The following NCAM2 variants were observed in gnomAD, a reference collection of about 807,000 sequenced individuals.
NCAM2 encodes N-CAM-2.
In NCAM2, 30 loss-of-function variants were observed where a neutral mutation model predicts 98.1. The observed-to-expected ratio is 0.31, with a 90% CI of 0.23 to 0.41. The LOEUF is 0.41. Among genes scored for constraint, NCAM2 ranks in the 10% least tolerant of loss-of-function variants. NCAM2 has a pLI of 1.00. For synonymous variants in NCAM2, 368 were observed against 342.4 expected, an observed-to-expected ratio of 1.07 and a Z score of -0.83; for missense variants, 867 against 1,005.8, an observed-to-expected ratio of 0.86 and a Z score of 1.87.
intron 16 of NCAM2, among the ~76,000 whole-genome samples, chr21:21,519,221 A>G (rs1359429605): frequency 1.3e-5 from 2 of 152,142 alleles, no homozygotes; most frequent in Non-Finnish European, 2.9e-5. Flanking sequence ...TTGAAATAGA[A>G]GACTACTAGA....
chr21:21,316,879 G>A (rs1273536145), intron 5 of NCAM2, among the ~76,000 whole-genome samples: 2 of 152,162 alleles, frequency 1.3e-5, no homozygotes, highest in East Asian at 3.9e-4. Flanking sequence ...AACAAATATA[G>A]CCCCTGTATA....
At chr21:21,506,076 A>G (rs912966116) in intron 15 of NCAM2, among the ~76,000 whole-genome samples, 1 of 152,108 alleles carries the variant, frequency 6.6e-6, no homozygotes, top group Non-Finnish European at 1.5e-5. Flanking sequence ...GGGAATGTGT[A>G]TAATAAATCA....
intron 1 of NCAM2, among the ~76,000 whole-genome samples, chr21:21,023,493 C>T (rs1213268730): frequency 1.3e-5 from 2 of 150,862 alleles, no homozygotes; most frequent in African/African-American, 4.9e-5. Context: ...CACTGCACTC[C>T]AGTCTGGGTG....
intron 1 of NCAM2, among the ~76,000 whole-genome samples, chr21:21,265,366 A>G (rs1418925684): frequency 2.4e-5 from 1 of 41,926 alleles, no homozygotes; most frequent in Non-Finnish European, 4.2e-5. Flanking sequence ...ATTATATTAT[A>G]TATACACATA....
intron 1 of NCAM2, among the ~76,000 whole-genome samples, chr21:21,237,470 A>T (rs2070877902): frequency 6.6e-6 from 1 of 152,202 alleles, no homozygotes; most frequent in Admixed American, 6.5e-5. Flanking sequence ...ACTCAGAGAT[A>T]AAATTTTTAT....
intron 8 of NCAM2, among the ~76,000 whole-genome samples, chr21:21,356,763 G>T (rs2075491666): frequency 6.6e-6 from 1 of 152,118 alleles, no homozygotes; most frequent in Non-Finnish European, 1.5e-5. Flanking sequence ...GGCCAAGGAG[G>T]CTGGATCATC....
chr21:21,071,909 A>G (rs1288285126), intron 1 of NCAM2, among the ~76,000 whole-genome samples: 3 of 148,786 alleles, frequency 2.0e-5, no homozygotes, highest in Admixed American at 6.7e-5. Context: ...CTATCTATCT[A>G]TCTATCTATC....
chr21:21,429,085 C>T (rs924703183), intron 11 of NCAM2, among the ~76,000 whole-genome samples: 1 of 151,990 alleles, frequency 6.6e-6, no homozygotes, highest in Admixed American at 6.6e-5. Context: ...AAGTCATAAG[C>T]ATGCTTTTGC....
At chr21:21,230,537 G>C (rs530497228) in intron 1 of NCAM2, among the ~76,000 whole-genome samples, 1 of 151,378 alleles carries the variant, frequency 6.6e-6, no homozygotes, top group East Asian at 1.9e-4. Flanking sequence ...ATATTATTCT[G>C]TGATGTTTCT....
chr21:20,998,719 A>C (rs2063965173), intron 1 of NCAM2, 101 bp downstream of exon 1: 1 of 1,115,684 alleles, frequency 9.0e-7, no homozygotes, highest in Non-Finnish European at 1.3e-6. Flanking sequence ...GAAAGAACTA[A>C]AGTTACAGTT....
At chr21:21,149,131 A>G (rs2146695014) in intron 1 of NCAM2, among the ~76,000 whole-genome samples, 1 of 152,302 alleles carries the variant, frequency 6.6e-6, no homozygotes. Flanking sequence ...TTTGTATAAA[A>G]TCTTGAAATA....
At chr21:21,444,346 A>G (rs1447960097) in intron 12 of NCAM2, among the ~76,000 whole-genome samples, 1 of 152,194 alleles carries the variant, frequency 6.6e-6, no homozygotes, top group Non-Finnish European at 1.5e-5. Context: ...TGCTGGCTTA[A>G]TAAAGTGAGT....
intron 16 of NCAM2, among the ~76,000 whole-genome samples, chr21:21,515,593 T>C (rs558072145): frequency 6.6e-6 from 1 of 152,302 alleles, no homozygotes; most frequent in East Asian, 1.9e-4. Context: ...GAAAAAATGC[T>C]GACTTTTCCC....
At chr21:21,297,734 CA>C (rs34515330) in intron 5 of NCAM2, among the ~76,000 whole-genome samples, 1,945 of 149,962 alleles carry the variant, frequency 0.013, 44 homozygotes, top group African/African-American at 0.045. Context: ...CTGTACTACT[CA>C]AAAAAAAAGG....
chr21:21,088,894 C>T (rs1304904433), intron 1 of NCAM2, among the ~76,000 whole-genome samples: 3 of 151,662 alleles, frequency 2.0e-5, no homozygotes, highest in African/African-American at 7.3e-5. Flanking sequence ...ATGGCTTGAA[C>T]TCGGGAGGCG....
At chr21:21,252,910 CTT>C (rs2071526292) in intron 1 of NCAM2, among the ~76,000 whole-genome samples, 1 of 152,124 alleles carries the variant, frequency 6.6e-6, no homozygotes, top group African/African-American at 2.4e-5. Context: ...ATGATCATCT[CTT>C]TTAGTGAACA....
intron 15 of NCAM2, among the ~76,000 whole-genome samples, chr21:21,496,689 G>A (rs1987261274): frequency 6.6e-6 from 1 of 151,934 alleles, no homozygotes; most frequent in African/African-American, 2.4e-5. Context: ...CCCTTGCCAA[G>A]GCCAATGTCA....
At chr21:21,296,147 A>G (rs1423672595) in intron 5 of NCAM2, among the ~76,000 whole-genome samples, 1 of 151,860 alleles carries the variant, frequency 6.6e-6, no homozygotes, top group Non-Finnish European at 1.5e-5. Context: ...CCCTTTAGAC[A>G]CTTAGAGTTG....
At chr21:21,157,072 A>G (rs940956763) in intron 1 of NCAM2, among the ~76,000 whole-genome samples, 44 of 151,648 alleles carry the variant, frequency 2.9e-4, no homozygotes, top group Admixed American at 2.7e-3. Context: ...ACTTTTTTCT[A>G]ATAGACTGTG....
Sources: gnomAD v4.1 joint callset for allele counts (sites outside exome capture counted in the v4.1 genomes callset) on GRCh38, gnomAD v4.1.1 for gene constraint, MANE v1.5 for transcripts, NCBI Gene and HGNC (gene_info 2026-07-23, HGNC 2026-07-21) for gene names.